The following EYA2 variants were observed in gnomAD, a reference collection of about 807,000 sequenced individuals.
EYA2 encodes EYA transcriptional coactivator and phosphatase 2, also known as protein phosphatase EYA2.
A neutral mutation model predicts 69.2 loss-of-function variants in EYA2; 31 were observed. The ratio of observed to expected loss-of-function variants is 0.45; its 90% CI spans 0.34 to 0.60. The LOEUF (loss-of-function observed/expected upper bound fraction) is 0.60. Among genes scored for constraint, EYA2 ranks in the 20% least tolerant of loss-of-function variants. The pLI is 0.02. For synonymous variants in EYA2, 257 were observed against 279.4 expected, an observed-to-expected ratio of 0.92 and a Z score of 0.80; for missense variants, 622 against 701.2, an observed-to-expected ratio of 0.89 and a Z score of 1.28.
chr20:46,992,271 A>C (rs1007267358), intron 2 of EYA2, among the ~76,000 whole-genome samples: 1 of 152,190 alleles, frequency 6.6e-6, no homozygotes, highest in Non-Finnish European at 1.5e-5. Context: ...GGGTACTGTT[A>C]TTATCCCCAT....
intron 5 of EYA2, among the ~76,000 whole-genome samples, chr20:47,059,385 C>T (rs1452908987): frequency 6.6e-6 from 1 of 152,188 alleles, no homozygotes; most frequent in African/African-American, 2.4e-5. Flanking sequence ...CATGGAGTCT[C>T]ACTCTGTCTC....
At chr20:47,153,190 AT>A in intron 10 of EYA2, among the ~76,000 whole-genome samples, 2 of 152,172 alleles carry the variant, frequency 1.3e-5, no homozygotes, top group African/African-American at 4.8e-5. Context: ...CTTAATTAAA[AT>A]ACAAAACAAA....
intron 1 of EYA2, among the ~76,000 whole-genome samples, chr20:46,918,400 T>C (rs887977391): frequency 1.3e-5 from 2 of 150,108 alleles, no homozygotes; most frequent in Admixed American, 1.3e-4. Flanking sequence ...CCTCTACCTC[T>C]GGGGCTCAAG....
intron 10 of EYA2, among the ~76,000 whole-genome samples, chr20:47,143,360 C>A (rs1320309261): frequency 3.9e-5 from 6 of 152,174 alleles, no homozygotes; most frequent in Admixed American, 3.9e-4. Flanking sequence ...TCAATTATCT[C>A]CCTAGCTTTC....
chr20:46,896,867 C>A (rs1226847825), intron 1 of EYA2, among the ~76,000 whole-genome samples: 1 of 152,110 alleles, frequency 6.6e-6, no homozygotes, highest in Admixed American at 6.5e-5. Flanking sequence ...TGGCATTTTT[C>A]TTTTCTGTCT....
intron 5 of EYA2, among the ~76,000 whole-genome samples, chr20:47,021,051 G>A (rs544795904): frequency 1.4e-4 from 22 of 152,218 alleles, no homozygotes; most frequent in Admixed American, 1.4e-3. Context: ...CTTTACTCGT[G>A]GGGTGCTATG....
intron 9 of EYA2, among the ~76,000 whole-genome samples, chr20:47,134,575 T>TACAC (rs10627302): frequency 2.7e-4 from 40 of 149,650 alleles, no homozygotes; most frequent in African/African-American, 6.2e-4. Context: ...ACCCACCACA[T>TACAC]ACACACACAC....
At chr20:46,933,590 C>T (rs1985765352) in intron 1 of EYA2, among the ~76,000 whole-genome samples, 1 of 152,170 alleles carries the variant, frequency 6.6e-6, no homozygotes, top group African/African-American at 2.4e-5. Context: ...ACTCTGGACA[C>T]AGCTAAGTGG....
At chr20:46,995,384 C>A (rs983177518) in intron 2 of EYA2, among the ~76,000 whole-genome samples, 3 of 152,178 alleles carry the variant, frequency 2.0e-5, no homozygotes, top group Non-Finnish European at 4.4e-5. Flanking sequence ...TCATCGCAGT[C>A]TGGGACTTGC....
intron 1 of EYA2, among the ~76,000 whole-genome samples, chr20:46,947,692 C>T (rs1287556431): frequency 6.6e-6 from 1 of 152,200 alleles, no homozygotes; most frequent in African/African-American, 2.4e-5. Flanking sequence ...AAGAGTGGTA[C>T]TCACCATTTC....
At chr20:47,041,822 C>T (rs1242450717) in intron 5 of EYA2, among the ~76,000 whole-genome samples, 2 of 151,852 alleles carry the variant, frequency 1.3e-5, no homozygotes, top group Non-Finnish European at 2.9e-5. Context: ...CAAAATTCCA[C>T]CTCCACTATT....
In EYA2 at chr20:47,169,166, G is replaced by A. The variant is rs368801391; in HGVS notation, c.1006G>A (p.Val336Ile). 136 of 1,613,804 alleles carry A rather than the reference G, an allele frequency of 8.4e-5. 1 individual carries two copies. The highest frequency in any genetic ancestry group is 4.6e-4 in the South Asian group (42 of 91,078). Reference protein sequence around the residue: ...EDCDQIHVDDVSSDDNGQDLS... With the variant: ...EDCDQIHVDDISSDDNGQDLS... ...TTGTGACCAGATCCACGTTGATGAC[G>A]TCTCATCAGATGACAATGGCCAAGA... Residue 336 changes from valine to isoleucine, a missense_variant, in exon 11 of 16, where the codon GTC (valine) becomes ATC (isoleucine). This residue lies in a region of EYA2 where 257 missense variants were observed against 351.5 expected (regional missense o/e 0.73). Coordinates refer to ENST00000327619, the MANE Select transcript of EYA2 (RefSeq NM_005244.5).
chr20:47,001,602 C>T, intron 3 of EYA2, 129 bp downstream of exon 3: 1 of 958,916 alleles, frequency 1.0e-6, no homozygotes, highest in East Asian at 2.5e-5. Flanking sequence ...CACTTCCTAG[C>T]TGAGTGAGCT....
intron 11 of EYA2, among the ~76,000 whole-genome samples, chr20:47,169,594 A>AT (rs1049444741): frequency 7.9e-5 from 12 of 152,124 alleles, no homozygotes; most frequent in Admixed American, 2.0e-4. Context: ...ATTTATTGCT[A>AT]TTTTTTTCCT....
intron 1 of EYA2, among the ~76,000 whole-genome samples, chr20:46,951,035 C>G (rs1978765041): frequency 6.6e-6 from 1 of 152,156 alleles, no homozygotes; most frequent in African/African-American, 2.4e-5. Flanking sequence ...CCACATATGC[C>G]AGAAAGAGCC....
intron 10 of EYA2, among the ~76,000 whole-genome samples, chr20:47,152,549 C>T (rs1393444557): frequency 2.0e-5 from 3 of 151,788 alleles, no homozygotes; most frequent in African/African-American, 4.8e-5. Context: ...TGGTGGCTCA[C>T]GCCAGTAATC....
chr20:47,000,081 T>G (rs1982264073), intron 2 of EYA2, among the ~76,000 whole-genome samples: 1 of 152,166 alleles, frequency 6.6e-6, no homozygotes, highest in African/African-American at 2.4e-5. Flanking sequence ...GTACTTCCTG[T>G]GTGGCCCTGG....
intron 5 of EYA2, among the ~76,000 whole-genome samples, chr20:47,048,145 A>G (rs982853150): frequency 3.3e-5 from 5 of 152,376 alleles, no homozygotes; most frequent in Middle Eastern, 3.4e-3. Context: ...ACACGTTTGA[A>G]GAACCATTAT....
chr20:46,936,567 G>T lies in EYA2; in HGVS notation c.-11+41580G>T, dbSNP rs531153671. Among the ~76,000 whole-genome samples, 6 of 152,280 alleles carry T rather than the reference G, an allele frequency of 3.9e-5. No individual in the cohort carries two copies. The East Asian group carries it at 1.2e-3, about 29-fold the overall frequency. On this transcript the variant is annotated intron_variant, in intron 1 of 15. Transcript: ENST00000327619. ...ACTTAGAGGGAAAATGACTGCATTTGGGTTTGGGGATAAAAGGGCCACCAT... is the reference window on the plus strand; with the variant it reads ...ACTTAGAGGGAAAATGACTGCATTTTGGTTTGGGGATAAAAGGGCCACCAT...
Sources: gnomAD v4.1 joint callset for allele counts (sites outside exome capture counted in the v4.1 genomes callset) on GRCh38, gnomAD v4.1.1 for gene constraint, gnomAD v4.1.1 regional missense constraint, MANE v1.5 for transcripts, NCBI Gene and HGNC (gene_info 2026-07-23, HGNC 2026-07-21) for gene names.